The following MTO1 variants were observed in gnomAD, a reference collection of about 807,000 sequenced individuals.
MTO1 encodes the protein mitochondrial tRNA translation optimization 1, also known as 5-taurinomethyluridine-[tRNA] synthase subunit MTO1, mitochondrial.
Under a neutral mutation model 71.6 loss-of-function variants are expected in MTO1, and 46 were observed. The ratio of observed to expected loss-of-function variants is 0.64; its 90% CI spans 0.51 to 0.82. The LOEUF is 0.82. MTO1 is among the 40% of genes least tolerant of loss of function. The pLI is 0.00. For missense variants in MTO1, 773 were observed against 867.5 expected (o/e 0.89, Z 1.37); for synonymous variants, 297 against 312.1 (o/e 0.95, Z 0.51).
At position 73,498,236 on chromosome 6, in the gene MTO1, A is replaced by AT. The variant is rs1459147620; in HGVS notation, c.1917+347dup. 2.8e-4 allele frequency among the ~76,000 whole-genome samples: 42 copies of AT among 151,626 alleles called. 2 individuals are homozygous for AT. The highest frequency in any genetic ancestry group is 1.5e-5 in the Non-Finnish European group (1 of 67,936). On this transcript the variant is annotated intron_variant, in intron 11 of 11. Coordinates refer to ENST00000498286, the MANE Select transcript of MTO1 (RefSeq NM_012123.4). ...AAAAAAAAAAGAAACTTGACCTCAGATTTTTTTCTTGTGTTTCTAAGACAG... is the reference window on the plus strand; with the variant it reads ...AAAAAAAAAAGAAACTTGACCTCAGATTTTTTTTCTTGTGTTTCTAAGACAG...
At position 73,480,344 on chromosome 6, in the gene MTO1, C is replaced by T. The variant is rs766317299; in HGVS notation, c.1129+218C>T. On this transcript the variant is annotated intron_variant, in intron 6 of 11. Transcript: ENST00000498286. ...ATGGAGTGCAATGGTGCGATCTCGG[C>T]TCACCACAACCTCCCCCTGCCAGGT... is the stretch of plus-strand genomic sequence containing the variant. The T allele has an allele frequency of 4.3e-6, 3 of 690,908 alleles. No homozygotes were observed. The South Asian group carries it at 4.5e-5, about 10-fold the overall frequency. The allele number at this position is 690,908 out of a possible 1,614,324, so 42.8% of individuals were successfully genotyped here. A position where few individuals can be genotyped will look rare whatever the true frequency, so the allele number is the denominator to read the frequency against.
At position 73,492,353 on chromosome 6, in the gene MTO1, G is replaced by A; in HGVS notation, c.1756+1G>A. On this transcript the variant is annotated splice_donor_variant, in intron 10 of 11. Transcript: ENST00000498286. LOFTEE classifies it high-confidence loss of function. ...CTGGCTGAAAGACTGAAAATAGAAG[G>A]TAGAAAATAATTTTTGACTTAACAT... is the stretch of plus-strand genomic sequence containing the variant. The A allele has an allele frequency of 1.3e-6, 2 of 1,588,206 alleles. No homozygotes were observed. The highest frequency in any genetic ancestry group is 1.7e-6 in the Non-Finnish European group (2 of 1,156,906).
intron 7 of MTO1, 41 bp from the exon 8 acceptor site, chr6:73,481,999 T>A: frequency 6.2e-7 from 1 of 1,606,910 alleles, no homozygotes; most frequent in Non-Finnish European, 8.5e-7. Flanking sequence ...GCCGTTTGTT[T>A]AGTTCATAAT....
chr6:73,462,357 C>T (rs1561937435), intron 1 of MTO1: 2 of 408,042 alleles, frequency 4.9e-6, no homozygotes, highest in African/African-American at 2.4e-5. Context: ...ACCAACTACT[C>T]GCTGGTAGCT....
At chr6:73,463,875 G>A (rs1259891717) in intron 1 of MTO1, among the ~76,000 whole-genome samples, 1 of 152,018 alleles carries the variant, frequency 6.6e-6, no homozygotes, top group Non-Finnish European at 1.5e-5. Context: ...AAGTGGCTGG[G>A]ATTAGAGGAG....
chr6:73,501,972 G>A lies in MTO1; in HGVS notation c.*1237G>A, dbSNP rs1487033773. ...TATCTAATTTTAGTCTTTCCAGAAA[G>A]CAGTAAGATTAGTAGCAAGTAAAAA... On this transcript the variant is annotated 3_prime_UTR_variant, in exon 12 of 12. Coordinates refer to ENST00000498286, the MANE Select transcript of MTO1 (RefSeq NM_012123.4). The A allele has an allele frequency of 6.6e-6, 1 of 152,148 alleles. No individual in the cohort carries two copies. The highest frequency in any genetic ancestry group is 2.4e-5 in the African/African-American group (1 of 41,424). The allele number at this position is 152,148 out of a possible 1,614,324, so 9.4% of individuals were successfully genotyped here.
In MTO1 at chr6:73,498,253, C is replaced by T. The variant is rs560870879; in HGVS notation, c.1917+357C>T. 2.6e-5 allele frequency among the ~76,000 whole-genome samples: 4 copies of T among 151,502 alleles called. No individual in the cohort carries two copies. The East Asian group carries it at 7.7e-4, about 29-fold the overall frequency. On this transcript the variant is annotated intron_variant, in intron 11 of 11. Coordinates refer to ENST00000498286, the MANE Select transcript of MTO1 (RefSeq NM_012123.4). ...GACCTCAGATTTTTTTCTTGTGTTTCTAAGACAGATGTTGGTATGTTTGTA... is the reference window on the plus strand; with the variant it reads ...GACCTCAGATTTTTTTCTTGTGTTTTTAAGACAGATGTTGGTATGTTTGTA...
chr6:73,463,128 A>G (rs549120881), intron 1 of MTO1, among the ~76,000 whole-genome samples: 129 of 148,804 alleles, frequency 8.7e-4, no homozygotes, highest in Non-Finnish European at 1.5e-3. Context: ...GGTTAATGCC[A>G]TTCTCCTGCC....
intron 10 of MTO1, among the ~76,000 whole-genome samples, chr6:73,493,865 A>G (rs1362900785): frequency 6.6e-6 from 1 of 152,092 alleles, no homozygotes; most frequent in Non-Finnish European, 1.5e-5. Context: ...CAGTTTATAG[A>G]CCATCAAAGC....
intron 11 of MTO1, among the ~76,000 whole-genome samples, chr6:73,498,717 C>G (rs1772068718): frequency 6.6e-6 from 1 of 151,928 alleles, no homozygotes; most frequent in Non-Finnish European, 1.5e-5. Flanking sequence ...ATTTTAACAT[C>G]TCTAAAATTG....
rs760096161 is a variant in MTO1 at position 73,466,568 on chromosome 6, A to G, written c.497A>G (p.Glu166Gly). 8.1e-6 allele frequency: 13 copies of G among 1,614,188 alleles called. No homozygotes were observed. The highest frequency in any genetic ancestry group is 4.2e-6 in the Non-Finnish European group (5 of 1,180,040). Residue 166 changes from glutamate (E) to glycine (G), a missense_variant, in exon 3 of 12, where the codon GAA (glutamate) becomes GGA (glycine). Transcript: ENST00000498286. The part of the protein sequence containing the change: ...EDLILTEPEP[E>G]HTGKCRVSGV... The stretch of plus-strand genomic sequence containing the variant: ...CTTATTCTTACAGAACCAGAGCCTG[A>G]ACACACTGGGAAATGCCGTGTCAGT...
chr6:73,471,390 G>C, intron 3 of MTO1: 1 of 430,570 alleles, frequency 2.3e-6, no homozygotes, highest in Non-Finnish European at 4.6e-6. Flanking sequence ...GTTTTTATTA[G>C]TATTTATGTT....
At chr6:73,463,148 C>G (rs1770877667) in intron 1 of MTO1, among the ~76,000 whole-genome samples, 1 of 151,934 alleles carries the variant, frequency 6.6e-6, no homozygotes, top group South Asian at 2.1e-4. Flanking sequence ...CTCAGCCTCC[C>G]GAGTAGCTGG....
At chr6:73,488,701 G>C (rs535312008) in intron 9 of MTO1, among the ~76,000 whole-genome samples, 1 of 151,432 alleles carries the variant, frequency 6.6e-6, no homozygotes, top group South Asian at 2.1e-4. Flanking sequence ...CTGAGGTCAG[G>C]AGTTCAAGAC....
Position 73,482,623 on chromosome 6 carries a change from A to G in MTO1, c.1637+3A>G. ...ACTAGTAGAAGTCTGCCTGTCAGGTATGCATTTTTAATATAGACCTTTCTC... is the reference window on the plus strand; with the variant it reads ...ACTAGTAGAAGTCTGCCTGTCAGGTGTGCATTTTTAATATAGACCTTTCTC... On this transcript the variant is annotated splice_donor_region_variant and intron_variant, in intron 9 of 11. Coordinates refer to ENST00000498286, the MANE Select transcript of MTO1 (RefSeq NM_012123.4). The G allele has an allele frequency of 1.9e-6, 3 of 1,588,842 alleles. No individual in the cohort carries two copies. Among genetic ancestry groups the G allele is most frequent in the African/African-American group, 1.4e-5 (1 of 73,224 alleles).
At chr6:73,481,768 C>T (rs1046230319) in intron 7 of MTO1, among the ~76,000 whole-genome samples, 11 of 151,832 alleles carry the variant, frequency 7.2e-5, no homozygotes, top group African/African-American at 2.4e-4. Context: ...ACCCTGTCTC[C>T]GGATAAAAAA....
Position 73,488,814 on chromosome 6 carries a change from G to A in MTO1, c.1638-3420G>A, listed in dbSNP as rs73450693. ...ATGTCTGTAGTCCCAGCTACTGAGC[G>A]GGCTGAAGCACGAGAATTGCTTGAA... On this transcript the variant is annotated intron_variant, in intron 9 of 11. Transcript: ENST00000498286. 3.1e-3 allele frequency among the ~76,000 whole-genome samples: 470 copies of A among 152,152 alleles called. 1 individual carries two copies. Among genetic ancestry groups the A allele is most frequent in the African/African-American group, 0.01 (431 of 41,514 alleles).
chr6:73,500,209 C>G (rs1057036909), intron 11 of MTO1, among the ~76,000 whole-genome samples: 1 of 152,180 alleles, frequency 6.6e-6, no homozygotes, highest in South Asian at 2.1e-4. Flanking sequence ...ACTATTTTTC[C>G]CAGGCTGGCC....
In MTO1 at chr6:73,482,482, G is replaced by C. The variant is rs770464521; in HGVS notation, c.1499G>C (p.Arg500Pro). Residue 500 changes from arginine (R) to proline (P), a missense_variant, in exon 9 of 12, where the codon CGA becomes CCA. By Grantham distance (103) the Arg-to-Pro change is moderately radical. Transcript: ENST00000498286. ...YKDAGCVSQQ[R>P]YERACWMKSS... ...GACGCTGGCTGTGTGTCCCAACAAC[G>C]ATATGAAAGAGCTTGTTGGATGAAG... The C allele has an allele frequency of 2.5e-5, 41 of 1,613,176 alleles. No homozygotes were observed. Among genetic ancestry groups the C allele is most frequent in the Non-Finnish European group, 3.4e-5 (40 of 1,179,798 alleles).
Sources: allele counts gnomAD v4.1 joint callset (sites outside exome capture counted in the v4.1 genomes callset), GRCh38; gene constraint gnomAD v4.1.1; transcripts MANE v1.5; gene names NCBI Gene and HGNC (gene_info 2026-07-23, HGNC 2026-07-21).